ZNF618: variants seen among roughly 807,000 people sequenced by gnomAD.
ZNF618 encodes zinc finger protein 618.
Under a neutral mutation model 103.0 loss-of-function variants are expected in ZNF618, and 34 were observed. The observed-to-expected ratio is 0.33, with a 90% CI of 0.25 to 0.44. The LOEUF (loss-of-function observed/expected upper bound fraction) is 0.44, where lower values mean the gene tolerates loss of function less well. Among genes scored for constraint, ZNF618 ranks in the 20% least tolerant of loss-of-function variants. The pLI, the probability that ZNF618 is intolerant of heterozygous loss-of-function variation, is 1.00. For missense variants in ZNF618, 1,059 were observed against 1,295.4 expected (o/e 0.82, Z 2.80); for synonymous variants, 551 against 542.2 (o/e 1.02, Z -0.23).
At position 114,032,662 on chromosome 9, in the gene ZNF618, C is replaced by A. The variant is rs376012969; in HGVS notation, c.1102C>A (p.Arg368=). ...KATAAESAFS[R]RVEGKAQNHF... is the part of the protein sequence containing the mutation. ...CCACCCAGCAGAAAGCGCTTTCAGT[C>A]GGAGAGTAGAAGGCAAAGCACAAAA... Residue 368 remains arginine, a synonymous_variant, in exon 12 of 15, where the codon CGG becomes AGG. Coordinates refer to ENST00000374126, the MANE Select transcript of ZNF618 (RefSeq NM_001318042.2). 11 of 1,613,844 alleles carry A rather than the reference C, an allele frequency of 6.8e-6. No individual in the cohort carries two copies. The highest frequency in any genetic ancestry group is 3.3e-5 in the Admixed American group (2 of 60,010).
intron 13 of ZNF618, among the ~76,000 whole-genome samples, chr9:114,042,540 A>C (rs1029095683): frequency 2.0e-5 from 3 of 152,134 alleles, no homozygotes; most frequent in African/African-American, 4.8e-5. Flanking sequence ...AAAATTAAAA[A>C]AATTTAGAGC....
At chr9:114,025,441 C>T (rs547730423) in intron 10 of ZNF618, among the ~76,000 whole-genome samples, 1 of 152,232 alleles carries the variant, frequency 6.6e-6, no homozygotes, top group Admixed American at 6.5e-5. Flanking sequence ...GGAAAGGAGA[C>T]CACAGTGCTC....
chr9:113,954,910 C>G (rs1188229799), intron 1 of ZNF618, among the ~76,000 whole-genome samples: 5 of 152,162 alleles, frequency 3.3e-5, no homozygotes, highest in African/African-American at 1.2e-4. Context: ...ATGGTCCACT[C>G]CCAGTGGGCA....
intron 1 of ZNF618, among the ~76,000 whole-genome samples, chr9:113,928,013 G>A (rs1359400812): frequency 6.6e-6 from 1 of 152,172 alleles, no homozygotes; most frequent in African/African-American, 2.4e-5. Context: ...GTTTCAGTTT[G>A]TTAAGGTTTT....
At chr9:114,019,194 T>C (rs1842876174) in intron 10 of ZNF618, among the ~76,000 whole-genome samples, 1 of 152,232 alleles carries the variant, frequency 6.6e-6, no homozygotes, top group African/African-American at 2.4e-5. Context: ...TTCATTCTTT[T>C]TTACTTCTGA....
chr9:113,974,051 A>G (rs1838255143), intron 2 of ZNF618, among the ~76,000 whole-genome samples: 1 of 152,236 alleles, frequency 6.6e-6, no homozygotes, highest in South Asian at 2.1e-4. Flanking sequence ...GAGGCACAGC[A>G]GTGAATGAAA....
intron 10 of ZNF618, among the ~76,000 whole-genome samples, chr9:114,023,147 G>T (rs1251127394): frequency 1.3e-5 from 2 of 151,892 alleles, no homozygotes; most frequent in African/African-American, 4.8e-5. Context: ...AATATGGTTA[G>T]ATTTAAGTTT....
At chr9:114,034,235 C>G (rs1010189294) in intron 12 of ZNF618, among the ~76,000 whole-genome samples, 3 of 152,168 alleles carry the variant, frequency 2.0e-5, no homozygotes, top group African/African-American at 7.2e-5. Flanking sequence ...ACAACGTAAT[C>G]CACCCAACCT....
intron 11 of ZNF618, among the ~76,000 whole-genome samples, chr9:114,030,243 A>G (rs1047184004): frequency 3.9e-5 from 6 of 152,152 alleles, no homozygotes; most frequent in African/African-American, 1.4e-4. Flanking sequence ...CCAAAAGGAG[A>G]GTAGTCAGTC....
intron 1 of ZNF618, among the ~76,000 whole-genome samples, chr9:113,904,193 T>TC (rs1830787304): frequency 6.6e-6 from 1 of 151,788 alleles, no homozygotes; most frequent in East Asian, 1.9e-4. Context: ...TTTTTTTTTT[T>TC]CTAACCTATT....
chr9:113,898,612 A>G (rs1830247078), intron 1 of ZNF618, among the ~76,000 whole-genome samples: 1 of 151,734 alleles, frequency 6.6e-6, no homozygotes, highest in Non-Finnish European at 1.5e-5. Context: ...TTTTTTGTAG[A>G]GGCGGGGTCT....
chr9:113,988,735 A>G (rs2133306535), intron 3 of ZNF618, among the ~76,000 whole-genome samples, 155 bp downstream of exon 3: 1 of 152,342 alleles, frequency 6.6e-6, no homozygotes, highest in Middle Eastern at 3.4e-3. Flanking sequence ...TCAGCTTCTT[A>G]GACTTGCCTT....
At chr9:113,951,515 G>GTGCGCACATATATGTGTA (rs1564207712) in intron 1 of ZNF618, among the ~76,000 whole-genome samples, 2 of 36,752 alleles carry the variant, frequency 5.4e-5, no homozygotes, top group African/African-American at 7.6e-5. Flanking sequence ...ATATATGTGT[G>GTGCGCACATATATGTGTA]TATATGTACA....
At chr9:114,001,777 A>G (rs1841228069) in intron 4 of ZNF618, among the ~76,000 whole-genome samples, 1 of 152,116 alleles carries the variant, frequency 6.6e-6, no homozygotes, top group Admixed American at 6.5e-5. Flanking sequence ...AGGCCCAGAG[A>G]TGGGGGGGTG....
At position 114,047,920 on chromosome 9, in the gene ZNF618, A is replaced by G. The variant is rs372617454; in HGVS notation, c.1274A>G (p.Asn425Ser). ...GACAATGAAAACAACATTGCCTCCA[A>G]CCAGTCCCGATCGCCACCTGCTGTT... ...AADNENNIAS[N>S]QSRSPPAVVE... Residue 425 changes from asparagine to serine, a missense_variant, in exon 14 of 15, where the codon AAC (asparagine) becomes AGC (serine). This residue lies in a region of ZNF618 where 434 missense variants were observed against 476.0 expected (regional missense o/e 0.91). Coordinates refer to ENST00000374126, the MANE Select transcript of ZNF618 (RefSeq NM_001318042.2). The G allele has an allele frequency of 2.5e-6, 4 of 1,603,052 alleles. No homozygotes were observed. The highest frequency in any genetic ancestry group is 2.7e-5 in the African/African-American group (2 of 74,700).
chr9:113,988,680 C>A, intron 3 of ZNF618, 100 bp downstream of exon 3: 2 of 1,441,526 alleles, frequency 1.4e-6, no homozygotes, highest in Admixed American at 2.4e-5. Context: ...CCCTTCCTGG[C>A]TGAGAGAACC....
At chr9:113,905,835 C>G (rs1239622795) in intron 1 of ZNF618, among the ~76,000 whole-genome samples, 1 of 152,166 alleles carries the variant, frequency 6.6e-6, no homozygotes, top group African/African-American at 2.4e-5. Context: ...CTCATACCTC[C>G]TCAACTTCAG....
At chr9:113,950,082 G>A (rs915787158) in intron 1 of ZNF618, among the ~76,000 whole-genome samples, 2 of 152,106 alleles carry the variant, frequency 1.3e-5, no homozygotes, top group African/African-American at 4.8e-5. Context: ...AATTCTAATT[G>A]TAACTGGTTT....
intron 1 of ZNF618, among the ~76,000 whole-genome samples, chr9:113,962,318 G>T (rs1836926396): frequency 6.6e-6 from 1 of 152,024 alleles, no homozygotes; most frequent in South Asian, 2.1e-4. Flanking sequence ...ACCCTCTTCA[G>T]TCCCTGCCAC....
Sources: allele counts gnomAD v4.1 joint callset (sites outside exome capture counted in the v4.1 genomes callset), GRCh38; gene constraint gnomAD v4.1.1; regional missense constraint gnomAD v4.1.1; transcripts MANE v1.5; gene names NCBI Gene and HGNC (gene_info 2026-07-23, HGNC 2026-07-21).